EMC1: variants seen among roughly 807,000 people sequenced by gnomAD.
EMC1 encodes the protein ER membrane protein complex subunit 1.
In EMC1, 103 loss-of-function variants were observed where a neutral mutation model predicts 128.8. The observed-to-expected ratio is 0.80, with a 90% CI of 0.68 to 0.94. The LOEUF is 0.94. Ranked by LOEUF, EMC1 falls within the 40% of genes least tolerant of loss-of-function variation. The probability of loss-of-function intolerance (pLI) is 0.00; values close to 1 mark genes in which losing one functional copy is unlikely to be tolerated. For synonymous variants in EMC1, 442 were observed against 490.4 expected, an observed-to-expected ratio of 0.90 and a Z score of 1.30; for missense variants, 1,083 against 1,250.6, an observed-to-expected ratio of 0.87 and a Z score of 2.02.
intron 2 of EMC1, among the ~76,000 whole-genome samples, chr1:19,244,234 C>T (rs1407460980): frequency 6.6e-6 from 1 of 152,056 alleles, no homozygotes; most frequent in Non-Finnish European, 1.5e-5. Context: ...CACTACCACC[C>T]CATCAAACAT....
chr1:19,222,246 G>A (rs1301800756), intron 20 of EMC1, among the ~76,000 whole-genome samples: 3 of 152,098 alleles, frequency 2.0e-5, no homozygotes, highest in African/African-American at 7.2e-5. Flanking sequence ...GATCACATGA[G>A]CCCAGGAGTC....
In EMC1 at chr1:19,244,033, TA is replaced by T. The variant is rs1558113031; in HGVS notation, c.221-19del. Reference sequence around the variant, plus strand: ...GCGCCACACTGAGAGACATGAAAGTTAGACATTACTATGAACAAAAGGTGGC... The same window carrying T: ...GCGCCACACTGAGAGACATGAAAGTTGACATTACTATGAACAAAAGGTGGC... On this transcript the variant is annotated intron_variant, in intron 2 of 22. Coordinates refer to ENST00000477853, the MANE Select transcript of EMC1 (RefSeq NM_015047.3). 2.1e-5 allele frequency: 34 copies of T among 1,613,450 alleles called. No homozygotes were observed. The Admixed American group carries it at 4.3e-4, about 21-fold the overall frequency.
At chr1:19,251,378 G>A (rs984061972) in intron 1 of EMC1, 37 bp downstream of exon 1, 12 of 1,572,204 alleles carry the variant, frequency 7.6e-6, no homozygotes, top group South Asian at 1.1e-5. Context: ...TGGGGAAACA[G>A]CCACTTATCT....
Position 19,240,278 on chromosome 1 carries a change from A to T in EMC1, c.786+19T>A. ...GCAGGAAATGCCTCAGGCCAGAAGA[A>T]GCAGTGGCAGCCTCTCACCTGCAGT... On this transcript the variant is annotated intron_variant, in intron 7 of 22. Coordinates refer to ENST00000477853, the MANE Select transcript of EMC1 (RefSeq NM_015047.3). 1 of 1,614,102 alleles carries T rather than the reference A, an allele frequency of 6.2e-7. No homozygotes were observed. Among genetic ancestry groups the T allele is most frequent in the Non-Finnish European group, 8.5e-7 (1 of 1,179,948 alleles).
At chr1:19,240,052 C>T in intron 7 of EMC1, 67 bp from the exon 8 acceptor site, 1 of 1,487,830 alleles carries the variant, frequency 6.7e-7, no homozygotes, top group Non-Finnish European at 9.1e-7. Flanking sequence ...CCCAGGCTCA[C>T]AACCTCTGCC....
chr1:19,242,659 T>C (rs1457359471), intron 4 of EMC1, among the ~76,000 whole-genome samples, 186 bp from the exon 5 acceptor site: 1 of 152,204 alleles, frequency 6.6e-6, no homozygotes, highest in East Asian at 1.9e-4. Context: ...TTGCAACCAT[T>C]TGGCCACACT....
chr1:19,230,437 G>T (rs776666497), intron 17 of EMC1, among the ~76,000 whole-genome samples: 1 of 152,180 alleles, frequency 6.6e-6, no homozygotes, highest in Non-Finnish European at 1.5e-5. Flanking sequence ...GGGCGCGGTG[G>T]CGCACGCCTG....
Position 19,235,179 on chromosome 1 carries a change from G to T in EMC1, c.1383C>A (p.Pro461=). Residue 461 remains proline, a synonymous_variant, in exon 13 of 23, where the codon CCC becomes CCA. Transcript: ENST00000477853. ...EVVCLEMVDL[P]LTGAQAELEG... ...CCAGCTCGGCCTGTGCCCCAGTCAG[G>T]GGGAGGTCCACCATCTCTAGGCACA... 6.2e-7 allele frequency: 1 copy of T among 1,614,074 alleles called. No homozygotes were observed. Among genetic ancestry groups the T allele is most frequent in the Non-Finnish European group, 8.5e-7 (1 of 1,179,974 alleles).
chr1:19,225,962 T>C (rs1042171849), intron 18 of EMC1, among the ~76,000 whole-genome samples: 10 of 152,150 alleles, frequency 6.6e-5, no homozygotes, highest in East Asian at 3.8e-4. Context: ...CTGGGGAAAA[T>C]TGAAGCTCAG....
Position 19,244,004 on chromosome 1 carries a change from C to G in EMC1, c.232G>C (p.Val78Leu). The change falls in exon 3 of 23, where the codon GTT becomes CTT. Residue 78 changes from valine to leucine, a missense_variant. Transcript: ENST00000477853. ...GCCCCTTCTGCCGTGCCCTTGTCAACATGGCGCCACACTGAGAGACATGAA... is the reference window on the plus strand; with the variant it reads ...GCCCCTTCTGCCGTGCCCTTGTCAAGATGGCGCCACACTGAGAGACATGAA... ...SRTGEILWRH[V>L]DKGTAEGAVD... The G allele has an allele frequency of 1.9e-6, 3 of 1,614,148 alleles. No individual in the cohort carries two copies. The highest frequency in any genetic ancestry group is 2.5e-6 in the Non-Finnish European group (3 of 1,180,036).
At chr1:19,247,649 G>GT (rs2093637711) in intron 1 of EMC1, among the ~76,000 whole-genome samples, 2 of 152,172 alleles carry the variant, frequency 1.3e-5, no homozygotes, top group South Asian at 4.1e-4. Context: ...ACTGGTTTAC[G>GT]TATCTACTTT....
intron 5 of EMC1, among the ~76,000 whole-genome samples, 153 bp from the exon 6 acceptor site, chr1:19,241,295 GTTC>G (rs1354616947): frequency 1.3e-5 from 2 of 152,160 alleles, no homozygotes; most frequent in African/African-American, 4.8e-5. Flanking sequence ...TGTTGTTGTT[GTTC>G]TTAATTTGAA....
rs542041252 is a variant in EMC1, at chr1:19,238,251, G to A, written c.1090-112C>T. The A allele has an allele frequency of 3.9e-5, 47 of 1,216,514 alleles. No homozygotes were observed. The South Asian group carries it at 6.8e-4, about 18-fold the overall frequency. 75.4% of individuals were successfully genotyped at this position (1,216,514 alleles called of 1,614,324 possible). On this transcript the variant is annotated intron_variant, in intron 10 of 22. Coordinates refer to ENST00000477853, the MANE Select transcript of EMC1 (RefSeq NM_015047.3). ...CCCTAGAGAAGGAGCCAGGCCAGAAGGGGAAATATATGCAAAGGAGAATAA... is the reference window on the plus strand; with the variant it reads ...CCCTAGAGAAGGAGCCAGGCCAGAAAGGGAAATATATGCAAAGGAGAATAA...
At chr1:19,241,566 G>A (rs1424669357) in intron 5 of EMC1, among the ~76,000 whole-genome samples, 1 of 152,112 alleles carries the variant, frequency 6.6e-6, no homozygotes, top group Non-Finnish European at 1.5e-5. Flanking sequence ...CCAGGCTGCA[G>A]TGCAGTGGTG....
chr1:19,241,212 A>AG, intron 5 of EMC1, 70 bp from the exon 6 acceptor site: 3 of 1,572,676 alleles, frequency 1.9e-6, no homozygotes, highest in Non-Finnish European at 2.6e-6. Flanking sequence ...AGGGGCTGCC[A>AG]GGCCTCAGCC....
At position 19,223,607 on chromosome 1, in the gene EMC1, G is replaced by A. The variant is rs12071677; in HGVS notation, c.2203-38C>T. On this transcript the variant is annotated intron_variant, in intron 18 of 22. Transcript: ENST00000477853. ...AGAAAACCTCCCTTAGAACCACGACGACTCATCACACACTCCATTCCTGTG... is the reference window on the plus strand; with the variant it reads ...AGAAAACCTCCCTTAGAACCACGACAACTCATCACACACTCCATTCCTGTG... The A allele has an allele frequency of 2.2e-3, 3,529 of 1,596,244 alleles. 66 individuals are homozygous for A. In the African/African-American group the frequency reaches 0.04, roughly 18 times the overall value.
chr1:19,231,527 T>G, intron 15 of EMC1, 105 bp from the exon 16 acceptor site: 54 of 1,180,144 alleles, frequency 4.6e-5, no homozygotes, highest in Non-Finnish European at 5.5e-5. Flanking sequence ...GGGGGTTCTC[T>G]AGTCTTTGCC....
chr1:19,234,868 CT>C (rs1393976134), intron 13 of EMC1, among the ~76,000 whole-genome samples: 1 of 151,782 alleles, frequency 6.6e-6, no homozygotes, highest in Non-Finnish European at 1.5e-5. Context: ...AAAAAAAAGA[CT>C]TTTTTCCCTC....
chr1:19,250,326 G>A (rs1450715941), intron 1 of EMC1, among the ~76,000 whole-genome samples: 3 of 148,048 alleles, frequency 2.0e-5, no homozygotes, highest in African/African-American at 5.0e-5. Flanking sequence ...AAGACACTAA[G>A]CAGTTAGGAA....
Sources: allele counts gnomAD v4.1 joint callset (sites outside exome capture counted in the v4.1 genomes callset), GRCh38; gene constraint gnomAD v4.1.1; transcripts MANE v1.5; gene names NCBI Gene and HGNC (gene_info 2026-07-23, HGNC 2026-07-21).